LHFPL6: variants seen among roughly 807,000 people sequenced by gnomAD.
LHFPL6 encodes LHFPL tetraspan subfamily member 6 protein.
Under a neutral mutation model 20.6 loss-of-function variants are expected in LHFPL6, and 9 were observed. That is an observed-to-expected ratio of 0.44 (90% CI 0.26 to 0.76). LHFPL6 has a LOEUF of 0.76. Ranked by LOEUF, LHFPL6 falls within the 30% of genes least tolerant of loss-of-function variation. The pLI is 0.20. For missense variants in LHFPL6, 218 were observed against 253.5 expected (o/e 0.86, Z 0.95); for synonymous variants, 105 against 98.7 (o/e 1.06, Z -0.38).
At chr13:39,413,468 G>T (rs1458957812) in intron 2 of LHFPL6, among the ~76,000 whole-genome samples, 2 of 141,128 alleles carry the variant, frequency 1.4e-5, no homozygotes, top group African/African-American at 5.2e-5. Context: ...TTGGGGGTAG[G>T]GGGGGTGGGT....
intron 3 of LHFPL6, among the ~76,000 whole-genome samples, chr13:39,357,914 C>A (rs1869769959): frequency 6.6e-6 from 1 of 151,980 alleles, no homozygotes. Flanking sequence ...AAAAAGCTAC[C>A]AACCATTAAT....
intron 2 of LHFPL6, among the ~76,000 whole-genome samples, chr13:39,578,423 T>C (rs1250908938): frequency 6.6e-6 from 1 of 152,166 alleles, no homozygotes; most frequent in Admixed American, 6.5e-5. Context: ...CAGAGATATA[T>C]ACATTTAAAC....
intron 2 of LHFPL6, among the ~76,000 whole-genome samples, chr13:39,555,024 G>A (rs995778891): frequency 6.6e-6 from 1 of 152,184 alleles, no homozygotes; most frequent in Non-Finnish European, 1.5e-5. Flanking sequence ...GTCAAGTCCA[G>A]ATGTGGTGCA....
chr13:39,437,678 C>T (rs554566023), intron 2 of LHFPL6, among the ~76,000 whole-genome samples: 14 of 152,134 alleles, frequency 9.2e-5, no homozygotes, highest in South Asian at 2.1e-4. Flanking sequence ...CTGAGGCGGG[C>T]GGATCACGAG....
intron 2 of LHFPL6, among the ~76,000 whole-genome samples, chr13:39,585,677 G>C (rs1264297671): frequency 6.6e-6 from 1 of 152,146 alleles, no homozygotes; most frequent in Non-Finnish European, 1.5e-5. Context: ...TGATCAAGCT[G>C]TTTCTGTACC....
intron 2 of LHFPL6, among the ~76,000 whole-genome samples, chr13:39,481,736 C>T (rs1311682873): frequency 3.3e-5 from 5 of 152,090 alleles, no homozygotes; most frequent in African/African-American, 9.7e-5. Flanking sequence ...GGCAAGGATC[C>T]GATCATGCAA....
At chr13:39,485,675 T>C (rs752541886) in intron 2 of LHFPL6, among the ~76,000 whole-genome samples, 7 of 152,140 alleles carry the variant, frequency 4.6e-5, no homozygotes, top group Non-Finnish European at 1.0e-4. Context: ...AAGGCAGCTA[T>C]GAAAATAAGT....
intron 2 of LHFPL6, among the ~76,000 whole-genome samples, chr13:39,466,021 A>G (rs1424548192): frequency 1.3e-5 from 2 of 152,054 alleles, no homozygotes; most frequent in Non-Finnish European, 2.9e-5. Flanking sequence ...TCTTCCCTGG[A>G]GCCCTGCGCT....
chr13:39,544,342 A>C (rs959564205), intron 2 of LHFPL6, among the ~76,000 whole-genome samples: 4 of 152,212 alleles, frequency 2.6e-5, no homozygotes, highest in Non-Finnish European at 5.9e-5. Flanking sequence ...AAATTAGCTC[A>C]TTTGACACCT....
At chr13:39,592,860 A>G (rs1170451675) in intron 2 of LHFPL6, among the ~76,000 whole-genome samples, 3 of 152,244 alleles carry the variant, frequency 2.0e-5, no homozygotes, top group Admixed American at 1.3e-4. Flanking sequence ...AAACAGAACC[A>G]AAGACAAAAA....
chr13:39,416,617 T>G (rs117713744), intron 2 of LHFPL6, among the ~76,000 whole-genome samples: 1 of 152,248 alleles, frequency 6.6e-6, no homozygotes, highest in Admixed American at 6.5e-5. Context: ...ATCAGTTTCA[T>G]GTACTTAATG....
chr13:39,458,995 G>A lies in LHFPL6; in HGVS notation c.386-80469C>T, dbSNP rs1872632096. ...AAAATCTTACTTGGCTCTCTTAAAT[G>A]TAAATACCTCAATTTAAGGCATGGT... On this transcript the variant is annotated intron_variant, in intron 2 of 3. Coordinates refer to ENST00000379589, the MANE Select transcript of LHFPL6 (RefSeq NM_005780.3). 1.3e-5 allele frequency among the ~76,000 whole-genome samples: 2 copies of A among 152,050 alleles called. 1 individual carries two copies. Among genetic ancestry groups the A allele is most frequent in the South Asian group, 4.1e-4 (2 of 4,820 alleles).
intron 2 of LHFPL6, among the ~76,000 whole-genome samples, chr13:39,490,980 T>A (rs544296087): frequency 6.6e-6 from 1 of 152,184 alleles, no homozygotes; most frequent in African/African-American, 2.4e-5. Context: ...GGAATGAGGG[T>A]CACTCTGCTA....
At chr13:39,578,178 A>G (rs776609610) in intron 2 of LHFPL6, among the ~76,000 whole-genome samples, 3 of 152,140 alleles carry the variant, frequency 2.0e-5, no homozygotes, top group Non-Finnish European at 4.4e-5. Context: ...CCAGGAAAAG[A>G]GCAACCAAGT....
intron 2 of LHFPL6, among the ~76,000 whole-genome samples, chr13:39,525,541 T>C (rs1283935033): frequency 3.9e-5 from 6 of 152,156 alleles, no homozygotes; most frequent in African/African-American, 1.4e-4. Context: ...GATCAACTGC[T>C]AAAGGGTTAA....
At position 39,583,830 on chromosome 13, in the gene LHFPL6, C is replaced by A. The variant is rs151219757; in HGVS notation, c.385+17002G>T. 3.9e-5 allele frequency among the ~76,000 whole-genome samples: 6 copies of A among 152,282 alleles called. No homozygotes were observed. In the East Asian group the frequency reaches 1.2e-3, roughly 29 times the overall value. On this transcript the variant is annotated intron_variant, in intron 2 of 3. Transcript: ENST00000379589. ...CAATGCAAGTCCTTCTGGCCACTGC[C>A]TCCCTCTCCAGCTTCACCTGACCCA...
intron 3 of LHFPL6, among the ~76,000 whole-genome samples, chr13:39,368,701 A>T (rs1870074413): frequency 6.6e-6 from 1 of 152,230 alleles, no homozygotes; most frequent in Non-Finnish European, 1.5e-5. Flanking sequence ...ACAAATTAGA[A>T]GTGAGAGAAT....
At chr13:39,351,909 C>T (rs116319683) in intron 3 of LHFPL6, among the ~76,000 whole-genome samples, 231 of 152,320 alleles carry the variant, frequency 1.5e-3, no homozygotes, top group African/African-American at 5.3e-3. Flanking sequence ...GACCATGAGG[C>T]ACCCCAGTAG....
chr13:39,509,689 G>C (rs949544297), intron 2 of LHFPL6, among the ~76,000 whole-genome samples: 1 of 152,198 alleles, frequency 6.6e-6, no homozygotes, highest in Non-Finnish European at 1.5e-5. Flanking sequence ...GCCAGGCACA[G>C]TGGCTCACGC....
Sources: allele counts gnomAD v4.1 joint callset (sites outside exome capture counted in the v4.1 genomes callset), GRCh38; gene constraint gnomAD v4.1.1; transcripts MANE v1.5; gene names NCBI Gene and HGNC (gene_info 2026-07-23, HGNC 2026-07-21).